The following PIGT variants were observed in gnomAD, a reference collection of about 807,000 sequenced individuals.
The protein encoded by PIGT is phosphatidylinositol glycan anchor biosynthesis class T.
In PIGT, 57 loss-of-function variants were observed where a neutral mutation model predicts 66.7. The ratio of observed to expected loss-of-function variants is 0.86; its 90% CI spans 0.69 to 1.07. The LOEUF (loss-of-function observed/expected upper bound fraction) is 1.07, where lower values mean the gene tolerates loss of function less well. Among genes scored for constraint, PIGT ranks in the 50% least tolerant of loss-of-function variants. The pLI, the probability that PIGT is intolerant of heterozygous loss-of-function variation, is 0.00. For missense variants in PIGT, 725 were observed against 740.4 expected, an observed-to-expected ratio of 0.98 and a Z score of 0.24; for synonymous variants, 362 against 320.5, an observed-to-expected ratio of 1.13 and a Z score of -1.38.
At position 45,425,798 on chromosome 20, in the gene PIGT, G is replaced by A; in HGVS notation, c.1709G>A (p.Arg570Gln). 3 of 1,613,788 alleles carry A rather than the reference G, an allele frequency of 1.9e-6. No homozygotes were observed. Among genetic ancestry groups the A allele is most frequent in the South Asian group, 2.2e-5 (2 of 91,070 alleles). Residue 570 changes from arginine to glutamine, a missense_variant, in exon 12 of 12, where the codon CGG (arginine) becomes CAG (glutamine). Coordinates refer to ENST00000279036, the MANE Select transcript of PIGT (RefSeq NM_015937.6). ...GLAKRLANLI[R>Q]RARGVPPL ...GCCAAGCGGCTGGCCAACCTTATCC[G>A]GCGCGCCCGAGGTGTCCCCCCACTC...
At chr20:45,424,176 AC>A in intron 9 of PIGT, 39 bp from the exon 10 acceptor site, 1 of 1,598,820 alleles carries the variant, frequency 6.3e-7, no homozygotes, top group Non-Finnish European at 8.6e-7. Context: ...AGGTAGCCTG[AC>A]CCCAGGAAAG....
Position 45,424,482 on chromosome 20 carries a change from C to T in PIGT, c.1401-14C>T. Reference sequence around the variant, plus strand: ...CCAGATGGGAACACGGGCCATCTCTCTGCTTCTCTGTAGCCCATCTGTCCT... The same window carrying T: ...CCAGATGGGAACACGGGCCATCTCTTTGCTTCTCTGTAGCCCATCTGTCCT... On this transcript the variant is annotated splice_polypyrimidine_tract_variant and intron_variant, in intron 10 of 11. Transcript: ENST00000279036. The T allele has an allele frequency of 1.2e-6, 2 of 1,614,092 alleles. No individual in the cohort carries two copies. The highest frequency in any genetic ancestry group is 8.5e-7 in the Non-Finnish European group (1 of 1,179,904).
rs1399044711 is a variant in PIGT, at chr20:45,424,567, T to A, written c.1472T>A (p.Leu491His). 6.2e-7 allele frequency: 1 copy of A among 1,613,890 alleles called. No homozygotes were observed. Among genetic ancestry groups the A allele is most frequent in the Non-Finnish European group, 8.5e-7 (1 of 1,179,790 alleles). ...CCAGTGGACTGGGAAGAGAGTCCCC[T>A]CTTCAACAGCCTGTAAGTGTGACCA... ...AKPVDWEESP[L>H]FNSLFPVSDG... Residue 491 changes from leucine (L) to histidine (H), a missense_variant, in exon 11 of 12, where the codon CTC becomes CAC. Physicochemically the swap from Leu to His is moderately conservative, Grantham distance 99. Coordinates refer to ENST00000279036, the MANE Select transcript of PIGT (RefSeq NM_015937.6).
At chr20:45,419,136 T>A in intron 3 of PIGT, 157 bp downstream of exon 3, 1 of 1,114,478 alleles carries the variant, frequency 9.0e-7, no homozygotes, top group Non-Finnish European at 1.3e-6. Context: ...GCATGCCTTT[T>A]CCCAAGGAGA....
At chr20:45,421,697 A>G (rs1364378236) in intron 9 of PIGT, 114 bp downstream of exon 9, 5 of 791,660 alleles carry the variant, frequency 6.3e-6, no homozygotes, top group African/African-American at 3.5e-5. Context: ...AAAGCTACAC[A>G]GGCATAAAGA....
chr20:45,419,433 G>A (rs1240575842), intron 4 of PIGT, 38 bp downstream of exon 4: 2 of 1,545,346 alleles, frequency 1.3e-6, no homozygotes, highest in Non-Finnish European at 1.8e-6. Context: ...GGCGGGGGGT[G>A]TATAGAGAAC....
At chr20:45,422,228 A>G (rs868584855) in intron 9 of PIGT, 2 of 152,098 alleles carry the variant, frequency 1.3e-5, no homozygotes, top group African/African-American at 2.4e-5. Flanking sequence ...ACCTTTCAGT[A>G]CTTTAGTTGA....
rs1990362415 is a variant in PIGT, at chr20:45,421,468, C to T, written c.1119C>T (p.Tyr373=). 1.9e-6 allele frequency: 3 copies of T among 1,614,082 alleles called. No individual in the cohort carries two copies. In the South Asian group the frequency reaches 3.3e-5, roughly 18 times the overall value. ...AGGGGGAGCTGAGCACACTGCTGTACAACACCCACCCATACCGGGCCTTCC... is the reference window on the plus strand; with the variant it reads ...AGGGGGAGCTGAGCACACTGCTGTATAACACCCACCCATACCGGGCCTTCC... ...LQKGELSTLL[Y]NTHPYRAFPV... The change falls in exon 9 of 12, where the codon TAC becomes TAT. Residue 373 remains tyrosine (Y), a synonymous_variant. Transcript: ENST00000279036.
rs750010387 is a variant in PIGT at position 45,416,181 on chromosome 20, C to T, written c.25C>T (p.Leu9=). 46 of 1,581,808 alleles carry T rather than the reference C, an allele frequency of 2.9e-5. No homozygotes were observed. The highest frequency in any genetic ancestry group is 3.5e-5 in the Non-Finnish European group (41 of 1,165,582). MAAAMPLA[L]LVLLLLGPGG... Reference sequence around the variant, plus strand: ...CATGGCGGCGGCTATGCCGCTTGCTCTGCTCGTCCTGTTGCTCCTGGGGCC... The same window carrying T: ...CATGGCGGCGGCTATGCCGCTTGCTTTGCTCGTCCTGTTGCTCCTGGGGCC... The change falls in exon 1 of 12, where the codon CTG becomes TTG. Residue 9 remains leucine, a synonymous_variant. Transcript: ENST00000279036.
chr20:45,425,098 C>G (rs1465827581), intron 11 of PIGT: 1 of 157,810 alleles, frequency 6.3e-6, no homozygotes, highest in Non-Finnish European at 1.4e-5. Flanking sequence ...CACCTCAACA[C>G]CAGGCGTCTC....
intron 8 of PIGT, 125 bp downstream of exon 8, chr20:45,420,818 T>C: frequency 2.1e-6 from 2 of 943,890 alleles, no homozygotes; most frequent in Admixed American, 4.2e-5. Flanking sequence ...CATATGCTGC[T>C]GACTGTAGCT....
Position 45,418,959 on chromosome 20 carries a change from A to G in PIGT, c.473A>G (p.Lys158Arg). ...ACAGTCACTCCCACTGCCTCCTTCA[A>G]ACCCCTGGGTCTGGCCAATGGTGAG... ...TNTVTPTASF[K>R]PLGLANDTDH... The change falls in exon 3 of 12, where the codon AAA (lysine) becomes AGA (arginine). Residue 158 changes from lysine to arginine, a missense_variant. By Grantham distance (26) the Lys-to-Arg change is conservative. Transcript: ENST00000279036. The G allele has an allele frequency of 6.2e-7, 1 of 1,614,058 alleles. No homozygotes were observed. The highest frequency in any genetic ancestry group is 1.1e-5 in the South Asian group (1 of 91,076).
chr20:45,425,074 G>T (rs1020095021), intron 11 of PIGT: 10 of 159,798 alleles, frequency 6.3e-5, no homozygotes, highest in Admixed American at 5.4e-4. Flanking sequence ...AGCAAAGGCG[G>T]GGCCCCTTTC....
rs781316490 is a variant in PIGT, at chr20:45,420,659, C to G, written c.999C>G (p.Asn333Lys). ...TAMINNSRNL[N>K]IQLKWKRPPE... ...TGATCAACAACTCTCGAAACCTCAACATCCAGCTCAAGTGGAAGAGACCCC... is the reference window on the plus strand; with the variant it reads ...TGATCAACAACTCTCGAAACCTCAAGATCCAGCTCAAGTGGAAGAGACCCC... The change falls in exon 8 of 12, where the codon AAC becomes AAG. Residue 333 changes from asparagine (N) to lysine (K), a missense_variant. Coordinates refer to ENST00000279036, the MANE Select transcript of PIGT (RefSeq NM_015937.6). 1.9e-6 allele frequency: 3 copies of G among 1,614,006 alleles called. No individual in the cohort carries two copies. Among genetic ancestry groups the G allele is most frequent in the Non-Finnish European group, 2.5e-6 (3 of 1,180,016 alleles).
At chr20:45,421,042 A>T (rs763965290) in intron 8 of PIGT, 45 of 506,474 alleles carry the variant, frequency 8.9e-5, no homozygotes, top group Non-Finnish European at 1.5e-4. Flanking sequence ...CTCAAGAAAT[A>T]TAAGTCTACT....
At chr20:45,424,456 G>A in intron 10 of PIGT, 40 bp from the exon 11 acceptor site, 1 of 1,613,406 alleles carries the variant, frequency 6.2e-7, no homozygotes, top group East Asian at 2.2e-5. Flanking sequence ...TGATAGGGCA[G>A]CCAGATGGGA....
chr20:45,425,818 C>T lies in PIGT; in HGVS notation c.1729C>T (p.Pro577Ser), dbSNP rs764299877. ...NLIRRARGVP[P>S]L Reference sequence around the variant, plus strand: ...TATCCGGCGCGCCCGAGGTGTCCCCCCACTCTGATTCTTGCCCTTTCCAGC... The same window carrying T: ...TATCCGGCGCGCCCGAGGTGTCCCCTCACTCTGATTCTTGCCCTTTCCAGC... The change falls in exon 12 of 12, where the codon CCA becomes TCA. Residue 577 changes from proline to serine, a missense_variant. Transcript: ENST00000279036. 1.2e-6 allele frequency: 2 copies of T among 1,613,362 alleles called. No homozygotes were observed. The highest frequency in any genetic ancestry group is 2.2e-5 in the South Asian group (2 of 91,048).
chr20:45,419,099 G>T, intron 3 of PIGT, 120 bp downstream of exon 3: 2 of 1,322,656 alleles, frequency 1.5e-6, no homozygotes, highest in South Asian at 2.6e-5. Context: ...CCCTGTGTGT[G>T]CAGGCCCCCA....
rs536002353 is a variant in PIGT, at chr20:45,424,005, A to G, written c.1235-211A>G. ...TTAGCCATCTGCAGCACTCCTAACA[A>G]CCTCTCTTGATCGCATCCTGGGATC... On this transcript the variant is annotated intron_variant, in intron 9 of 11. Transcript: ENST00000279036. 5.9e-4 allele frequency: 343 copies of G among 584,454 alleles called. 1 individual carries two copies. The African/African-American group carries it at 6.0e-3, about 10-fold the overall frequency. The allele number at this position is 584,454 out of a possible 1,614,324, so 36.2% of individuals were successfully genotyped here. A position where few individuals can be genotyped will look rare whatever the true frequency, so the allele number is the denominator to read the frequency against.
Sources: allele counts gnomAD v4.1 joint callset, GRCh38; gene constraint gnomAD v4.1.1; transcripts MANE v1.5; gene names NCBI Gene and HGNC (gene_info 2026-07-23, HGNC 2026-07-21).